Variants in LARGE1 observed in about 807,000 individuals in gnomAD.
LARGE1 encodes the protein LARGE xylosyl- and glucuronyltransferase 1.
In LARGE1, 43 loss-of-function variants were observed where a neutral mutation model predicts 87.6. The ratio of observed to expected loss-of-function variants is 0.49; its 90% CI spans 0.38 to 0.63. LARGE1 has a LOEUF of 0.63. Among genes scored for constraint, LARGE1 ranks in the 30% least tolerant of loss-of-function variants. The probability of loss-of-function intolerance (pLI) is 0.00; values close to 1 mark genes in which losing one functional copy is unlikely to be tolerated. For missense variants in LARGE1, 802 were observed against 1,000.2 expected (o/e 0.80, Z 2.67); for synonymous variants, 434 against 394.6 (o/e 1.10, Z -1.18).
chr22:33,564,296 CT>C lies in LARGE1; in HGVS notation c.787+551del, dbSNP rs372075591. On this transcript the variant is annotated intron_variant, in intron 6 of 14. Transcript: ENST00000397394. ...CACCTACTGAGCTCACAATTTCCCC[CT>C]AGGTACTCTCATATACCTTGAGGCC... is the stretch of plus-strand genomic sequence containing the variant. 1.5e-3 allele frequency among the ~76,000 whole-genome samples: 236 copies of C among 152,298 alleles called. 1 individual carries two copies. Among genetic ancestry groups the C allele is most frequent in the African/African-American group, 5.3e-3 (222 of 41,568 alleles).
At chr22:33,494,899 C>A (rs1460517964) in intron 6 of LARGE1, among the ~76,000 whole-genome samples, 1 of 152,188 alleles carries the variant, frequency 6.6e-6, no homozygotes, top group Non-Finnish European at 1.5e-5. Context: ...AGGCAACTCT[C>A]CTCAAGTCTC....
At chr22:33,218,761 C>A (rs1233700858) in intron 11 of LARGE1, among the ~76,000 whole-genome samples, 1 of 152,152 alleles carries the variant, frequency 6.6e-6, no homozygotes, top group East Asian at 1.9e-4. Flanking sequence ...AGAGACTCAG[C>A]CAAGTTTACA....
At chr22:33,387,730 A>G (rs546092563) in intron 7 of LARGE1, among the ~76,000 whole-genome samples, 11 of 152,250 alleles carry the variant, frequency 7.2e-5, no homozygotes, top group Non-Finnish European at 1.6e-4. Flanking sequence ...GACTAAATGC[A>G]GAGATGCAGG....
intron 11 of LARGE1, among the ~76,000 whole-genome samples, chr22:33,244,474 C>T (rs1034714215): frequency 1.3e-5 from 2 of 152,114 alleles, no homozygotes; most frequent in Non-Finnish European, 2.9e-5. Context: ...TTTTTATGCT[C>T]CCTGAACTCC....
intron 6 of LARGE1, among the ~76,000 whole-genome samples, chr22:33,480,967 AAT>A (rs1433349509): frequency 1.3e-5 from 2 of 152,142 alleles, no homozygotes; most frequent in Non-Finnish European, 2.9e-5. Context: ...CTTAAATTTA[AAT>A]TTATCTGTTT....
At chr22:33,603,337 T>C (rs149911748) in intron 5 of LARGE1, among the ~76,000 whole-genome samples, 81 of 152,332 alleles carry the variant, frequency 5.3e-4, no homozygotes, top group African/African-American at 1.9e-3. Context: ...AGAGCATCAG[T>C]GCATTTCTGC....
chr22:33,439,787 C>T (rs1291066610), intron 6 of LARGE1, among the ~76,000 whole-genome samples: 1 of 152,150 alleles, frequency 6.6e-6, no homozygotes, highest in African/African-American at 2.4e-5. Flanking sequence ...ACTAACTCCA[C>T]AATCTTCTCC....
chr22:33,098,588 T>G, the LARGE1 span, among the ~76,000 whole-genome samples: 10 of 152,134 alleles, frequency 6.6e-5, no homozygotes, highest in African/African-American at 2.4e-4. Context: ...GCCACTGCAC[T>G]CCAGCCTGGG....
At chr22:33,731,250 A>G (rs552117996) in intron 2 of LARGE1, among the ~76,000 whole-genome samples, 1 of 151,462 alleles carries the variant, frequency 6.6e-6, no homozygotes, top group South Asian at 2.1e-4. Flanking sequence ...TGATCCGCCC[A>G]CCTCAGCCTC....
intron 12 of LARGE1, among the ~76,000 whole-genome samples, chr22:33,286,368 G>A (rs796253468): frequency 2.0e-5 from 3 of 152,224 alleles, no homozygotes; most frequent in African/African-American, 7.2e-5. Flanking sequence ...ATTGGGGGTG[G>A]GATATATGGA....
At position 33,857,519 on chromosome 22, in the gene LARGE1, G is replaced by A. The variant is rs534489243; in HGVS notation, c.-83+62476C>T. Among the ~76,000 whole-genome samples, 3 of 152,330 alleles carry A rather than the reference G, an allele frequency of 2.0e-5. No individual in the cohort carries two copies. In the East Asian group the frequency reaches 5.8e-4, roughly 29 times the overall value. On this transcript the variant is annotated intron_variant, in intron 1 of 14. Transcript: ENST00000397394. ...AACACTTACTTAAATATTTCTTATA[G>A]TTGTTTATCGGTAAATGTTAGTAAT... is the stretch of plus-strand genomic sequence containing the variant.
chr22:33,243,979 A>C (rs1030557178), intron 11 of LARGE1, among the ~76,000 whole-genome samples: 1 of 151,970 alleles, frequency 6.6e-6, no homozygotes, highest in African/African-American at 2.4e-5. Context: ...GGTGGTTTAC[A>C]GTTTTTTGTT....
intron 1 of LARGE1, among the ~76,000 whole-genome samples, chr22:33,780,439 G>A (rs977458794): frequency 3.3e-5 from 5 of 152,056 alleles, no homozygotes; most frequent in East Asian, 1.9e-4. Context: ...AGCCCCTGTC[G>A]AAGAGCAGTG....
intron 9 of LARGE1, among the ~76,000 whole-genome samples, chr22:33,352,120 T>A (rs573088562): frequency 6.6e-6 from 1 of 152,338 alleles, no homozygotes; most frequent in Admixed American, 6.5e-5. Flanking sequence ...AGTAATGTTA[T>A]ATGTGGGCAT....
rs1437597283 is a variant in LARGE1, at chr22:33,485,244, T to C, written c.788-52979A>G. ...TTTTTTTTTTTTTGAGACAGAGTCT[T>C]GCTCTGTCGCCCAGGCTGGAGTGCA... On this transcript the variant is annotated intron_variant, in intron 6 of 14. Coordinates refer to ENST00000397394, the MANE Select transcript of LARGE1 (RefSeq NM_133642.5). 3.1e-3 allele frequency among the ~76,000 whole-genome samples: 396 copies of C among 128,274 alleles called. No individual in the cohort carries two copies. In the Middle Eastern group the frequency reaches 0.06, roughly 20 times the overall value. 84.2% of individuals were successfully genotyped at this position (128,274 alleles called of 152,430 possible). A position where few individuals can be genotyped will look rare whatever the true frequency, so the allele number is the denominator to read the frequency against.
chr22:33,317,276 A>G (rs1936267144), intron 10 of LARGE1, among the ~76,000 whole-genome samples: 1 of 152,116 alleles, frequency 6.6e-6, no homozygotes. Context: ...TTACACAGGA[A>G]AATGCCCAAA....
At chr22:33,771,584 ACTTT>A (rs1158753795) in intron 1 of LARGE1, among the ~76,000 whole-genome samples, 1 of 152,150 alleles carries the variant, frequency 6.6e-6, no homozygotes, top group African/African-American at 2.4e-5. Context: ...TGGGATCCAC[ACTTT>A]CTTTCTCTCC....
At chr22:33,595,954 A>C (rs2148940562) in intron 5 of LARGE1, among the ~76,000 whole-genome samples, 1 of 152,336 alleles carries the variant, frequency 6.6e-6, no homozygotes, top group South Asian at 2.1e-4. Flanking sequence ...GCATAAGGCG[A>C]ATATTTCTAA....
At chr22:33,341,610 C>G (rs887998652) in intron 9 of LARGE1, among the ~76,000 whole-genome samples, 16 of 152,102 alleles carry the variant, frequency 1.1e-4, no homozygotes, top group African/African-American at 3.4e-4. Flanking sequence ...TATGGGGAAA[C>G]CTATTTGGTC....
Sources: gnomAD v4.1 joint callset for allele counts (sites outside exome capture counted in the v4.1 genomes callset) on GRCh38, gnomAD v4.1.1 for gene constraint, MANE v1.5 for transcripts, NCBI Gene and HGNC (gene_info 2026-07-23, HGNC 2026-07-21) for gene names.